EYS: variants seen among roughly 807,000 people sequenced by gnomAD.
EYS encodes the protein EGF-like photoreceptor maintenance factor, also known as protein eyes shut homolog.
In EYS, 250 loss-of-function variants were observed where a neutral mutation model predicts 282.1. The ratio of observed to expected loss-of-function variants is 0.89; its 90% CI spans 0.80 to 0.98. EYS has a LOEUF of 0.98. Among genes scored for constraint, EYS ranks in the 50% least tolerant of loss-of-function variants. EYS has a pLI of 0.00. For missense variants in EYS, 4,016 were observed against 3,709.0 expected (o/e 1.08, Z -2.15); for synonymous variants, 1,355 against 1,282.9 (o/e 1.06, Z -1.20).
At chr6:64,193,034 ATAAT>A (rs1211254609) in intron 31 of EYS, among the ~76,000 whole-genome samples, 2 of 152,246 alleles carry the variant, frequency 1.3e-5, no homozygotes, top group African/African-American at 2.4e-5. Context: ...CAGATTTAAA[ATAAT>A]TAATTTCTGG....
chr6:65,056,690 C>T (rs1003208415), intron 13 of EYS, among the ~76,000 whole-genome samples: 3 of 151,626 alleles, frequency 2.0e-5, no homozygotes, highest in Non-Finnish European at 4.4e-5. Context: ...AATTGATATC[C>T]CACCTGCCCA....
At chr6:65,034,348 A>G (rs1018781479) in intron 13 of EYS, among the ~76,000 whole-genome samples, 3 of 152,182 alleles carry the variant, frequency 2.0e-5, no homozygotes, top group Non-Finnish European at 2.9e-5. Flanking sequence ...TGAGAAGTAC[A>G]TGAGATTTGC....
intron 19 of EYS, among the ~76,000 whole-genome samples, chr6:64,865,493 A>G (rs1285451243): frequency 6.6e-6 from 1 of 152,114 alleles, no homozygotes; most frequent in Non-Finnish European, 1.5e-5. Flanking sequence ...TAGATATGTT[A>G]CAGGAAACAA....
intron 19 of EYS, among the ~76,000 whole-genome samples, chr6:64,833,509 G>A (rs1277007275): frequency 6.6e-6 from 1 of 151,736 alleles, no homozygotes; most frequent in Non-Finnish European, 1.5e-5. Flanking sequence ...CAGACTTCAT[G>A]AGCTATCAAG....
chr6:65,331,577 AAATTTTGTAAT>A (rs1414851880), intron 11 of EYS: 1 of 974,748 alleles, frequency 1.0e-6, no homozygotes, highest in African/African-American at 1.8e-5. Context: ...TAAATTACAA[AAATTTTGTAAT>A]TTATCCAAGA....
At chr6:64,805,833 C>CA (rs1764404757) in intron 22 of EYS, among the ~76,000 whole-genome samples, 1 of 150,612 alleles carries the variant, frequency 6.6e-6, no homozygotes, top group Admixed American at 6.6e-5. Context: ...TTAAAAATCC[C>CA]AAGGAAATTT....
At chr6:64,899,130 C>T (rs778517275) in intron 18 of EYS, among the ~76,000 whole-genome samples, 6 of 152,094 alleles carry the variant, frequency 3.9e-5, no homozygotes, top group African/African-American at 7.2e-5. Flanking sequence ...ACAGAACTCT[C>T]GACCCCAAAT....
intron 12 of EYS, among the ~76,000 whole-genome samples, chr6:65,199,973 T>C (rs2150245320): frequency 6.6e-6 from 1 of 151,680 alleles, no homozygotes; most frequent in Admixed American, 6.6e-5. Flanking sequence ...CAGATTATAT[T>C]GGGGTTTTAG....
chr6:64,399,082 T>TATTA (rs767650086), intron 28 of EYS, among the ~76,000 whole-genome samples: 6 of 151,992 alleles, frequency 3.9e-5, no homozygotes, highest in Non-Finnish European at 8.9e-5. Flanking sequence ...TGTTTTATGA[T>TATTA]ATTAAAATAG....
intron 12 of EYS, among the ~76,000 whole-genome samples, chr6:65,215,788 A>G (rs1766296900): frequency 6.6e-6 from 1 of 152,222 alleles, no homozygotes; most frequent in South Asian, 2.1e-4. Flanking sequence ...CCTGATAGCC[A>G]GCAGCCATCA....
chr6:65,139,610 C>T (rs1023547752), intron 12 of EYS, among the ~76,000 whole-genome samples: 4 of 151,980 alleles, frequency 2.6e-5, no homozygotes, highest in South Asian at 2.1e-4. Context: ...AATACAGACC[C>T]GCTCCCACCC....
intron 2 of EYS, among the ~76,000 whole-genome samples, chr6:65,501,557 A>G (rs185078795): frequency 2.0e-5 from 3 of 152,014 alleles, no homozygotes; most frequent in Admixed American, 6.6e-5. Context: ...AAACATCAAT[A>G]TATTGTAACT....
rs13195914 is a variant in EYS at position 65,408,768 on chromosome 6, T to A, written c.863-3401A>T. ...TTTGTATGCTTTGCATTTAATGTGG[T>A]TTTTTTCCATTTATTTAAGGCTGAA... On this transcript the variant is annotated intron_variant, in intron 5 of 42. Coordinates refer to ENST00000503581, the MANE Select transcript of EYS (RefSeq NM_001142800.2). 7.2e-4 allele frequency among the ~76,000 whole-genome samples: 109 copies of A among 152,228 alleles called. 3 individuals are homozygous for A. In the East Asian group the frequency reaches 0.015, roughly 21 times the overall value.
intron 33 of EYS, among the ~76,000 whole-genome samples, chr6:64,050,770 C>T (rs1240660131): frequency 6.6e-6 from 1 of 152,130 alleles, no homozygotes; most frequent in African/African-American, 2.4e-5. Flanking sequence ...GGGAACTTTG[C>T]TTAATGTGTT....
chr6:64,708,144 G>T (rs1335470447), intron 22 of EYS, among the ~76,000 whole-genome samples: 1 of 152,164 alleles, frequency 6.6e-6, no homozygotes, highest in Non-Finnish European at 1.5e-5. Context: ...TAACACGTAT[G>T]CAGGCCTGAA....
At chr6:65,221,417 G>T (rs1007157804) in intron 12 of EYS, among the ~76,000 whole-genome samples, 1 of 152,204 alleles carries the variant, frequency 6.6e-6, no homozygotes, top group African/African-American at 2.4e-5. Flanking sequence ...GTGGCTAAAA[G>T]GGGGCAACAT....
At chr6:65,658,002 G>C (rs1361962301) in intron 1 of EYS, among the ~76,000 whole-genome samples, 2 of 151,770 alleles carry the variant, frequency 1.3e-5, no homozygotes, top group African/African-American at 4.8e-5. Flanking sequence ...GAATTTTTTA[G>C]CAAGAAAGTA....
At chr6:65,429,951 A>G (rs1767818596) in intron 5 of EYS, among the ~76,000 whole-genome samples, 2 of 152,214 alleles carry the variant, frequency 1.3e-5, no homozygotes, top group Non-Finnish European at 2.9e-5. Flanking sequence ...TTACATGGAT[A>G]GCTGTTTTAA....
chr6:64,175,096 A>G (rs1764587760), intron 31 of EYS, among the ~76,000 whole-genome samples: 2 of 152,116 alleles, frequency 1.3e-5, no homozygotes, highest in Admixed American at 6.6e-5. Context: ...CATATTTTGC[A>G]TTTATGTTTT....
Sources: allele counts gnomAD v4.1 joint callset (sites outside exome capture counted in the v4.1 genomes callset), GRCh38; gene constraint gnomAD v4.1.1; transcripts MANE v1.5; gene names NCBI Gene and HGNC (gene_info 2026-07-23, HGNC 2026-07-21).